EIF4G1: variants seen among roughly 807,000 people sequenced by gnomAD.
EIF4G1 encodes the protein EIF4-gamma.
A neutral mutation model predicts 187.8 loss-of-function variants in EIF4G1; 4 were observed. That is an observed-to-expected ratio of 0.02 (90% confidence interval 0.01 to 0.05). The LOEUF (loss-of-function observed/expected upper bound fraction) is 0.05. Among genes scored for constraint, EIF4G1 ranks in the 10% least tolerant of loss-of-function variants. The pLI is 1.00. For missense variants in EIF4G1, 1,647 were observed against 2,081.1 expected, an observed-to-expected ratio of 0.79 and a Z score of 4.06; for synonymous variants, 844 against 781.4, an observed-to-expected ratio of 1.08 and a Z score of -1.34.
Position 184,323,267 on chromosome 3 carries a change from G to A in EIF4G1, c.2088+26G>A. 2 of 1,613,904 alleles carry A rather than the reference G, an allele frequency of 1.2e-6. No homozygotes were observed. Among genetic ancestry groups the A allele is most frequent in the Non-Finnish European group, 1.7e-6 (2 of 1,179,842 alleles). ...GTGAGTGGGGCTGGGTAAAGTGGCAGGTGGGCAAGGAGTGGGAGTGGATGA... is the reference window on the plus strand; with the variant it reads ...GTGAGTGGGGCTGGGTAAAGTGGCAAGTGGGCAAGGAGTGGGAGTGGATGA... On this transcript the variant is annotated intron_variant, in intron 14 of 32. Coordinates refer to ENST00000346169, the MANE Select transcript of EIF4G1 (RefSeq NM_198241.3). The surrounding 1 kb of genome is among the most constrained non-coding windows in gnomAD (Gnocchi z 6.9).
chr3:184,321,761 C>A lies in EIF4G1; in HGVS notation c.1177C>A (p.Pro393Thr). The A allele has an allele frequency of 6.2e-7, 1 of 1,607,584 alleles. No individual in the cohort carries two copies. Among genetic ancestry groups the A allele is most frequent in the South Asian group, 1.1e-5 (1 of 90,724 alleles). ...AGCTTGCCCCTCCGAATCCCCTGTG[C>A]CCATTGCTCCAACTGCCCAACCTGA... ...PPACPSESPV[P>T]IAPTAQPEEL... Residue 393 changes from proline (P) to threonine (T), a missense_variant, in exon 10 of 33, where the codon CCC (proline) becomes ACC (threonine). This residue lies in a region of EIF4G1 where 522 missense variants were observed against 485.2 expected (regional missense o/e 1.08). Transcript: ENST00000346169.
At chr3:184,322,505 G>T (rs1165971994) in intron 11 of EIF4G1, 39 bp from the exon 12 acceptor site, 2 of 1,614,020 alleles carry the variant, frequency 1.2e-6, no homozygotes, top group Admixed American at 1.7e-5. Context: ...TGGAGCAGTG[G>T]TCATTCTGCA....
chr3:184,315,826 C>T lies in EIF4G1; in HGVS notation c.30C>T (p.Pro10=). MNKAPQSTG[P]PPAPSPGLPQ... The stretch of plus-strand genomic sequence containing the variant: ...ACAAAGCTCCACAGTCCACAGGCCC[C>T]CCACCCGCCCCATCCCCCGGACTCC... Residue 10 remains proline (P), a synonymous_variant, in exon 3 of 33, where the codon CCC becomes CCT. Transcript: ENST00000346169. The T allele has an allele frequency of 6.5e-7, 1 of 1,549,628 alleles. No homozygotes were observed. Among genetic ancestry groups the T allele is most frequent in the Non-Finnish European group, 8.7e-7 (1 of 1,145,396 alleles).
rs1354938276 is a variant in EIF4G1, at chr3:184,323,282, G to A, written c.2088+41G>A. ...TAAAGTGGCAGGTGGGCAAGGAGTG[G>A]GAGTGGATGATTCCGTGTCTCAGTG... On this transcript the variant is annotated intron_variant, in intron 14 of 32. Transcript: ENST00000346169. The surrounding 1 kb of genome is among the most constrained non-coding windows in gnomAD (Gnocchi z 6.9). 6.2e-7 allele frequency: 1 copy of A among 1,613,360 alleles called. No homozygotes were observed. The highest frequency in any genetic ancestry group is 8.5e-7 in the Non-Finnish European group (1 of 1,179,530).
At position 184,327,390 on chromosome 3, in the gene EIF4G1, T is replaced by G; in HGVS notation, c.3603T>G (p.Pro1201=). The G allele has an allele frequency of 6.2e-7, 1 of 1,613,604 alleles. No individual in the cohort carries two copies. The highest frequency in any genetic ancestry group is 1.1e-5 in the South Asian group (1 of 91,090). Residue 1201 remains proline (P), a synonymous_variant, in exon 24 of 33, where the codon CCT becomes CCG. Coordinates refer to ENST00000346169, the MANE Select transcript of EIF4G1 (RefSeq NM_198241.3). ...GGAGTAGAGAACGGCCCTCCCAGCC[T>G]GAGGGGCTGCGCAAGGCAGCTAGCC... ...EERSRERPSQ[P]EGLRKAASLT...
At chr3:184,315,727 C>A in intron 2 of EIF4G1, 36 bp from the exon 3 acceptor site, 3 of 1,503,466 alleles carry the variant, frequency 2.0e-6, no homozygotes, top group Non-Finnish European at 2.7e-6. Flanking sequence ...AAGCTTGGGT[C>A]CCTTCCTCTT....
intron 8 of EIF4G1, 76 bp downstream of exon 8, chr3:184,320,798 T>G: frequency 1.2e-6 from 2 of 1,610,238 alleles, no homozygotes; most frequent in Non-Finnish European, 1.7e-6. Context: ...CTGGATCTTT[T>G]CTTTCAACTA....
rs759685710 is a variant in EIF4G1 at position 184,331,798 on chromosome 3, C to A, written c.4466C>A (p.Ser1489Tyr). 2 of 1,614,038 alleles carry A rather than the reference C, an allele frequency of 1.2e-6. No homozygotes were observed. The highest frequency in any genetic ancestry group is 1.7e-6 in the Non-Finnish European group (2 of 1,180,036). ...GCCCTCATGACGGCTGTCTGCTATT[C>A]TGCAATTATTTGTAAGAGGAACCAG... is the stretch of plus-strand genomic sequence containing the variant. ...VRALMTAVCY[S>Y]AIIFETPLRV... Residue 1489 changes from serine (S) to tyrosine (Y), a missense_variant, in exon 31 of 33, where the codon TCT becomes TAT. Transcript: ENST00000346169.
At chr3:184,317,246 A>C (rs759239330) in intron 4 of EIF4G1, 75 bp from the exon 5 acceptor site, 490 of 1,523,448 alleles carry the variant, frequency 3.2e-4, no homozygotes, top group Non-Finnish European at 4.3e-4. Flanking sequence ...CAGGCTATAG[A>C]GACATTGTGG....
chr3:184,332,526 T>C (rs1726317552), intron 32 of EIF4G1, among the ~76,000 whole-genome samples: 1 of 151,986 alleles, frequency 6.6e-6, no homozygotes, highest in East Asian at 1.9e-4. Context: ...ATTCAGAACA[T>C]AGGTATGTGT....
In EIF4G1 at chr3:184,333,660, C is replaced by G. The variant is rs1280765023; in HGVS notation, c.4619-1067C>G. 2.6e-5 allele frequency among the ~76,000 whole-genome samples: 4 copies of G among 152,196 alleles called. No individual in the cohort carries two copies. The East Asian group carries it at 7.7e-4, about 29-fold the overall frequency. On this transcript the variant is annotated intron_variant, in intron 32 of 32. Transcript: ENST00000346169. The stretch of plus-strand genomic sequence containing the variant: ...CTGGCAAAAACAGTATTTAGTGGGG[C>G]AGGGGACAGATTCTGGATTGGAAAG...
Position 184,321,892 on chromosome 3 carries a change from C to T in EIF4G1, c.1308C>T (p.Thr436=), listed in dbSNP as rs754398830. ...KEVTASMAPP[T]IPSATPATAP... ...TGACAGCATCAATGGCGCCCCCCAC[C>T]ATCCCCTCTGCTACTCCAGCTACGG... The change falls in exon 10 of 33, where the codon ACC becomes ACT. Residue 436 remains threonine (T), a synonymous_variant. Coordinates refer to ENST00000346169, the MANE Select transcript of EIF4G1 (RefSeq NM_198241.3). 6.2e-7 allele frequency: 1 copy of T among 1,614,164 alleles called. No individual in the cohort carries two copies. The highest frequency in any genetic ancestry group is 2.2e-5 in the East Asian group (1 of 44,876).
At chr3:184,332,436 T>C (rs553408266) in intron 32 of EIF4G1, among the ~76,000 whole-genome samples, 1 of 152,298 alleles carries the variant, frequency 6.6e-6, no homozygotes, top group South Asian at 2.1e-4. Flanking sequence ...TCCTCACAAA[T>C]GTTGTTTAGG....
At chr3:184,320,270 C>A in intron 7 of EIF4G1, 1 of 1,236,614 alleles carries the variant, frequency 8.1e-7, no homozygotes, top group Non-Finnish European at 1.0e-6. Context: ...TGGGCCCTGC[C>A]CCCAGAGATC....
intron 6 of EIF4G1, among the ~76,000 whole-genome samples, chr3:184,319,467 T>TG (rs1560209601): frequency 3.6e-3 from 40 of 11,244 alleles, no homozygotes; most frequent in South Asian, 6.2e-3. Flanking sequence ...GTGTGTGTGT[T>TG]TGTGTGTGTG....
intron 28 of EIF4G1, among the ~76,000 whole-genome samples, chr3:184,330,979 A>T (rs1489611404): frequency 1.3e-5 from 2 of 152,042 alleles, no homozygotes; most frequent in African/African-American, 4.8e-5. Context: ...ACCTCAGGTG[A>T]TCCGCCCACC....
Position 184,325,737 on chromosome 3 carries a change from C to T in EIF4G1, c.3121+98C>T, listed in dbSNP as rs773316021. 2 of 1,611,160 alleles carry T rather than the reference C, an allele frequency of 1.2e-6. No individual in the cohort carries two copies. The highest frequency in any genetic ancestry group is 2.7e-5 in the African/African-American group (2 of 74,848). The stretch of plus-strand genomic sequence containing the variant: ...CTGTTAGTGCCACGTGTCTGGGCCA[C>T]TGAGACACCATGATGGAACTGAGGA... On this transcript the variant is annotated intron_variant, in intron 20 of 32. Coordinates refer to ENST00000346169, the MANE Select transcript of EIF4G1 (RefSeq NM_198241.3). This position sits in a 1 kb window ranked among gnomAD's most constrained non-coding sequence, Gnocchi z 5.2.
At chr3:184,326,732 T>G in intron 22 of EIF4G1, 103 bp downstream of exon 22, 3 of 1,494,756 alleles carry the variant, frequency 2.0e-6, no homozygotes, top group Non-Finnish European at 2.8e-6. Context: ...GGTTAGGCAA[T>G]GCGGGCAATA....
At position 184,323,143 on chromosome 3, in the gene EIF4G1, C is replaced by T. The variant is rs2108489968; in HGVS notation, c.1990C>T (p.Pro664Ser). The T allele has an allele frequency of 6.2e-7, 1 of 1,614,178 alleles. No individual in the cohort carries two copies. Among genetic ancestry groups the T allele is most frequent in the South Asian group, 1.1e-5 (1 of 91,084 alleles). ...TAGACTACAAGGCATAAATTGTGGC[C>T]CAGACTTCACTCCATCCTTTGCCAA... ...PTRLQGINCG[P>S]DFTPSFANLG... is the part of the protein sequence containing the mutation. Residue 664 changes from proline to serine, a missense_variant, in exon 14 of 33, where the codon CCA (proline) becomes TCA (serine). Coordinates refer to ENST00000346169, the MANE Select transcript of EIF4G1 (RefSeq NM_198241.3). The surrounding 1 kb of genome is among the most constrained non-coding windows in gnomAD (Gnocchi z 6.9).
Sources: allele counts gnomAD v4.1 joint callset (sites outside exome capture counted in the v4.1 genomes callset), GRCh38; gene constraint gnomAD v4.1.1; regional missense constraint gnomAD v4.1.1; non-coding constraint Gnocchi (gnomAD v3.1); transcripts MANE v1.5; gene names NCBI Gene and HGNC (gene_info 2026-07-23, HGNC 2026-07-21).